Variants in GORASP2 observed in about 807,000 individuals in gnomAD.
The protein encoded by GORASP2 is Golgi reassembly-stacking protein 2.
GORASP2 carries 22 observed loss-of-function variants against 45.7 expected under a neutral mutation model. The observed-to-expected ratio is 0.48, with a 90% CI of 0.34 to 0.69. The LOEUF (loss-of-function observed/expected upper bound fraction) is 0.69, where lower values mean the gene tolerates loss of function less well. GORASP2 is among the 30% of genes least tolerant of loss of function. The pLI, the probability that GORASP2 is intolerant of heterozygous loss-of-function variation, is 0.01. For missense variants in GORASP2, 491 were observed against 562.7 expected (o/e 0.87, Z 1.29); for synonymous variants, 221 against 215.6 (o/e 1.02, Z -0.22).
chr2:170,958,420 A>T (rs1704477303), intron 7 of GORASP2, among the ~76,000 whole-genome samples: 1 of 152,204 alleles, frequency 6.6e-6, no homozygotes. Flanking sequence ...TTAAGTATTA[A>T]TGTCATCAGT....
chr2:170,961,796 T>C, intron 8 of GORASP2, 47 bp downstream of exon 8: 1 of 909,744 alleles, frequency 1.1e-6, no homozygotes, highest in Non-Finnish European at 1.9e-6. Context: ...ACAGTATTAC[T>C]GATATTTGCA....
intron 1 of GORASP2, among the ~76,000 whole-genome samples, chr2:170,940,524 A>G (rs1481954069): frequency 6.6e-6 from 1 of 152,124 alleles, no homozygotes; most frequent in Non-Finnish European, 1.5e-5. Flanking sequence ...TGAATGCTTC[A>G]CTGGAAAGCA....
intron 1 of GORASP2, among the ~76,000 whole-genome samples, chr2:170,941,050 C>G (rs1355363731): frequency 6.6e-6 from 1 of 152,080 alleles, no homozygotes; most frequent in Non-Finnish European, 1.5e-5. Context: ...CTCATTTTTG[C>G]TCGTTGAGGG....
intron 1 of GORASP2, among the ~76,000 whole-genome samples, chr2:170,945,545 A>G (rs1704164777): frequency 1.3e-5 from 2 of 151,906 alleles, no homozygotes; most frequent in African/African-American, 4.8e-5. Flanking sequence ...AACACCTTTA[A>G]TAGATCCCTT....
intron 1 of GORASP2, among the ~76,000 whole-genome samples, chr2:170,932,113 G>A (rs1703839280): frequency 6.6e-6 from 1 of 152,180 alleles, no homozygotes; most frequent in South Asian, 2.1e-4. Flanking sequence ...TGTAATCCCA[G>A]CTACTTGGGA....
At chr2:170,938,560 ATGG>A in intron 1 of GORASP2, among the ~76,000 whole-genome samples, 1 of 152,246 alleles carries the variant, frequency 6.6e-6, no homozygotes, top group Non-Finnish European at 1.5e-5. Flanking sequence ...ATTAATTAAA[ATGG>A]CTGAAAGAGT....
At chr2:170,952,392 G>A (rs754071728) in intron 5 of GORASP2, among the ~76,000 whole-genome samples, 4 of 152,144 alleles carry the variant, frequency 2.6e-5, no homozygotes, top group East Asian at 1.9e-4. Flanking sequence ...GAACATTTTC[G>A]TCAGTCTGCC....
chr2:170,948,138 AAAATAT>A (rs1354922943), intron 1 of GORASP2, among the ~76,000 whole-genome samples: 1 of 152,162 alleles, frequency 6.6e-6, no homozygotes, highest in Non-Finnish European at 1.5e-5. Context: ...AAATAAAATA[AAAATAT>A]AAATAGAAGA....
intron 1 of GORASP2, among the ~76,000 whole-genome samples, chr2:170,937,981 A>G (rs1412488508): frequency 6.6e-6 from 1 of 152,222 alleles, no homozygotes; most frequent in East Asian, 1.9e-4. Flanking sequence ...TGCTTTGAAA[A>G]GCTTCAGTCT....
rs1704254447 is a variant in GORASP2 at position 170,949,662 on chromosome 2, T to G, written c.268T>G (p.Trp90Gly). 6.2e-7 allele frequency: 1 copy of G among 1,613,982 alleles called. No individual in the cohort carries two copies. The highest frequency in any genetic ancestry group is 8.5e-7 in the Non-Finnish European group (1 of 1,179,960). The part of the protein sequence containing the change: ...RETSVTPSNL[W>G]GGQGLLGVSI... ...GACCTCAGTCACACCAAGTAACCTG[T>G]GGGGCGGCCAGGGCTTATTGGGAGT... The change falls in exon 3 of 10, where the codon TGG becomes GGG. Residue 90 changes from tryptophan (W) to glycine (G), a missense_variant. Trp to Gly is a radical substitution (Grantham distance 184). Transcript: ENST00000234160.
chr2:170,962,889 A>T lies in GORASP2; in HGVS notation c.961A>T (p.Asn321Tyr), dbSNP rs145218389. Residue 321 changes from asparagine (N) to tyrosine (Y), a missense_variant, in exon 9 of 10, where the codon AAC becomes TAC. Physicochemically the swap from Asn to Tyr is moderately radical, Grantham distance 143. Transcript: ENST00000234160. The part of the protein sequence containing the change: ...GLPNLPNLNL[N>Y]LPAPHIMPGV... Reference sequence around the variant, plus strand: ...GCCCAACCTCCCCAACCTCAACCTCAACCTCCCAGCACCACACATCATGCC... The same window carrying T: ...GCCCAACCTCCCCAACCTCAACCTCTACCTCCCAGCACCACACATCATGCC... 1.9e-6 allele frequency: 3 copies of T among 1,613,674 alleles called. No individual in the cohort carries two copies. In the African/African-American group the frequency reaches 4.0e-5, roughly 22 times the overall value.
At chr2:170,954,858 G>A (rs1704387132) in intron 6 of GORASP2, 76 bp downstream of exon 6, 1 of 1,100,426 alleles carries the variant, frequency 9.1e-7, no homozygotes, top group Non-Finnish European at 1.4e-6. Flanking sequence ...GCTACTATAT[G>A]GCAGTAGCAC....
At chr2:170,944,083 A>T (rs1302652072) in intron 1 of GORASP2, among the ~76,000 whole-genome samples, 1 of 152,228 alleles carries the variant, frequency 6.6e-6, no homozygotes, top group Non-Finnish European at 1.5e-5. Context: ...ATAGACTTTT[A>T]GTTAAGATGA....
intron 7 of GORASP2, among the ~76,000 whole-genome samples, 183 bp downstream of exon 7, chr2:170,956,742 T>A (rs974552195): frequency 2.7e-5 from 4 of 149,232 alleles, no homozygotes; most frequent in Admixed American, 2.0e-4. Context: ...ACCACGTCTC[T>A]AAAAAAAAAA....
chr2:170,945,026 C>T (rs1010943660), intron 1 of GORASP2, among the ~76,000 whole-genome samples: 7 of 152,096 alleles, frequency 4.6e-5, no homozygotes, highest in African/African-American at 1.7e-4. Context: ...GTGACTTGAC[C>T]TCACTTTTCT....
intron 1 of GORASP2, among the ~76,000 whole-genome samples, chr2:170,941,736 A>C (rs1704082102): frequency 6.6e-6 from 1 of 152,310 alleles, no homozygotes; most frequent in South Asian, 2.1e-4. Flanking sequence ...CATTGAGAGA[A>C]TATGCCAATA....
At chr2:170,965,489 T>A (rs1424019304) in intron 9 of GORASP2, among the ~76,000 whole-genome samples, 1 of 152,180 alleles carries the variant, frequency 6.6e-6, no homozygotes, top group Non-Finnish European at 1.5e-5. Flanking sequence ...CTGGGTGGGC[T>A]GCTATCTCTT....
chr2:170,929,294 CG>C lies in GORASP2; in HGVS notation c.-44del. 1.5e-6 allele frequency: 2 copies of C among 1,310,006 alleles called. No individual in the cohort carries two copies. Among genetic ancestry groups the C allele is most frequent in the Non-Finnish European group, 2.0e-6 (2 of 1,022,742 alleles). The allele number at this position is 1,310,006 out of a possible 1,614,324, so 81.1% of individuals were successfully genotyped here. Reference sequence around the variant, plus strand: ...ATTAGAGCAGGCGGTGCGCTGGGGGCGGGAGCAGCGCGGAGCCCGGCTCGGC... The same window carrying C: ...ATTAGAGCAGGCGGTGCGCTGGGGGCGGAGCAGCGCGGAGCCCGGCTCGGC... On this transcript the variant is annotated 5_prime_UTR_variant, in exon 1 of 10. Coordinates refer to ENST00000234160, the MANE Select transcript of GORASP2 (RefSeq NM_015530.5).
chr2:170,958,611 A>G (rs972734638), intron 7 of GORASP2, among the ~76,000 whole-genome samples: 2 of 148,530 alleles, frequency 1.3e-5, no homozygotes, highest in African/African-American at 5.0e-5. Context: ...TTGAGTCTGA[A>G]TTGTTCATAT....
Sources: gnomAD v4.1 joint callset for allele counts (sites outside exome capture counted in the v4.1 genomes callset) on GRCh38, gnomAD v4.1.1 for gene constraint, MANE v1.5 for transcripts, NCBI Gene and HGNC (gene_info 2026-07-23, HGNC 2026-07-21) for gene names.